The following IMMP2L variants were observed in gnomAD, a reference collection of about 807,000 sequenced individuals.
IMMP2L encodes inner mitochondrial membrane peptidase subunit 2, also known as mitochondrial inner membrane protease subunit 2.
In IMMP2L, 18 loss-of-function variants were observed where a neutral mutation model predicts 19.3. The observed-to-expected ratio is 0.93, with a 90% CI of 0.64 to 1.38. IMMP2L has a LOEUF of 1.38. IMMP2L is among the 40% of genes most tolerant of loss of function. IMMP2L has a pLI of 0.00. For synonymous variants in IMMP2L, 76 were observed against 73.0 expected (o/e 1.04, Z -0.21); for missense variants, 233 against 218.2 (o/e 1.07, Z -0.43).
chr7:111,346,724 A>G (rs140159508), intron 3 of IMMP2L, among the ~76,000 whole-genome samples: 1,620 of 151,936 alleles, frequency 0.011, 31 homozygotes, highest in African/African-American at 0.036. Context: ...AGATGGAACA[A>G]TATTTATGAA....
At chr7:111,490,819 T>C (rs915083805) in intron 2 of IMMP2L, among the ~76,000 whole-genome samples, 6 of 152,204 alleles carry the variant, frequency 3.9e-5, no homozygotes, top group African/African-American at 7.2e-5. Flanking sequence ...CCTGGTCTAA[T>C]AATAATAGCC....
rs984276164 is a variant in IMMP2L at position 110,894,387 on chromosome 7, T to C, written c.306-7692A>G. Among the ~76,000 whole-genome samples, 88 of 152,198 alleles carry C rather than the reference T, an allele frequency of 5.8e-4. 1 individual carries two copies. The highest frequency in any genetic ancestry group is 2.1e-3 in the African/African-American group (86 of 41,460). On this transcript the variant is annotated intron_variant, in intron 4 of 5. Coordinates refer to ENST00000405709, the MANE Select transcript of IMMP2L (RefSeq NM_032549.4). ...TTAAGAGTTTCTGTTGTTCCACATC[T>C]CACCAGCACTTGATATTATCATTCT...
At chr7:111,046,567 G>T (rs192900572) in intron 3 of IMMP2L, among the ~76,000 whole-genome samples, 1 of 152,142 alleles carries the variant, frequency 6.6e-6, no homozygotes, top group East Asian at 1.9e-4. Context: ...AAAAAGAAAA[G>T]CTTTTCTCAT....
intron 5 of IMMP2L, among the ~76,000 whole-genome samples, chr7:110,692,675 G>A (rs941611558): frequency 5.3e-5 from 8 of 152,042 alleles, no homozygotes; most frequent in African/African-American, 1.9e-4. Context: ...TTTATTTTTG[G>A]TATAGATTAT....
chr7:110,755,129 TC>T (rs1410734956), intron 5 of IMMP2L, among the ~76,000 whole-genome samples: 2 of 152,082 alleles, frequency 1.3e-5, no homozygotes, highest in Non-Finnish European at 2.9e-5. Context: ...TGGTCAATCC[TC>T]AGTTTAGACC....
intron 3 of IMMP2L, among the ~76,000 whole-genome samples, chr7:111,051,714 A>C (rs2129572991): frequency 6.6e-6 from 1 of 152,360 alleles, no homozygotes; most frequent in South Asian, 2.1e-4. Context: ...CATTTTAAAA[A>C]GTCAAAGCAT....
chr7:110,873,289 G>A (rs1484557159), intron 5 of IMMP2L, among the ~76,000 whole-genome samples: 3 of 151,678 alleles, frequency 2.0e-5, no homozygotes, highest in Non-Finnish European at 4.4e-5. Context: ...CTGGCATGGT[G>A]GCGCATGCCT....
At chr7:111,346,185 T>C (rs1397442434) in intron 3 of IMMP2L, among the ~76,000 whole-genome samples, 3 of 152,134 alleles carry the variant, frequency 2.0e-5, no homozygotes, top group Non-Finnish European at 4.4e-5. Flanking sequence ...AAGCCTAATA[T>C]GGAAGACATT....
intron 3 of IMMP2L, among the ~76,000 whole-genome samples, chr7:111,024,470 T>C (rs1826613933): frequency 6.6e-6 from 1 of 152,166 alleles, no homozygotes; most frequent in Non-Finnish European, 1.5e-5. Flanking sequence ...TCAACCCAGG[T>C]AGTCTTCTGT....
rs533306277 is a variant in IMMP2L, at chr7:111,252,280, T to C, written c.239+234958A>G. Among the ~76,000 whole-genome samples the C allele has an allele frequency of 2.8e-4, 42 of 152,238 alleles. 1 individual carries two copies. Among genetic ancestry groups the C allele is most frequent in the African/African-American group, 9.6e-4 (40 of 41,550 alleles). On this transcript the variant is annotated intron_variant, in intron 3 of 5. Coordinates refer to ENST00000405709, the MANE Select transcript of IMMP2L (RefSeq NM_032549.4). ...CCAACAAGCGGAAACAAACTCAAAG[T>C]GTATGTACGTAGCATGCACATGCAA...
chr7:111,145,004 G>A (rs1008668692), intron 3 of IMMP2L, among the ~76,000 whole-genome samples: 4 of 152,088 alleles, frequency 2.6e-5, no homozygotes, highest in African/African-American at 9.7e-5. Context: ...GGAGAGTTGA[G>A]CTAAATAGGT....
chr7:111,080,805 AG>A (rs534530745), intron 3 of IMMP2L, among the ~76,000 whole-genome samples: 179 of 152,336 alleles, frequency 1.2e-3, no homozygotes, highest in Non-Finnish European at 1.5e-3. Context: ...ACAAAGATGC[AG>A]ACATCCTGTT....
At chr7:110,731,440 T>TC (rs1247649088) in intron 5 of IMMP2L, among the ~76,000 whole-genome samples, 2 of 152,078 alleles carry the variant, frequency 1.3e-5, no homozygotes, top group African/African-American at 4.8e-5. Context: ...TTGTTATTAT[T>TC]CCCCCCATCA....
chr7:111,504,370 C>T (rs1253733613), intron 2 of IMMP2L, among the ~76,000 whole-genome samples: 1 of 151,978 alleles, frequency 6.6e-6, no homozygotes, highest in East Asian at 1.9e-4. Context: ...TAGGAAGAAT[C>T]AATATCGTGA....
intron 3 of IMMP2L, among the ~76,000 whole-genome samples, chr7:111,214,963 TCTC>T (rs1462364654): frequency 6.6e-6 from 1 of 152,030 alleles, no homozygotes; most frequent in Non-Finnish European, 1.5e-5. Context: ...CAAACTTAAG[TCTC>T]CTCCTTAGAA....
intron 3 of IMMP2L, among the ~76,000 whole-genome samples, chr7:110,984,906 T>C (rs1043698626): frequency 6.6e-6 from 1 of 152,194 alleles, no homozygotes; most frequent in African/African-American, 2.4e-5. Flanking sequence ...TCAATGGACC[T>C]TTGGGTCCCT....
At chr7:111,150,519 T>C (rs2129602443) in intron 3 of IMMP2L, among the ~76,000 whole-genome samples, 1 of 152,308 alleles carries the variant, frequency 6.6e-6, no homozygotes, top group Admixed American at 6.5e-5. Flanking sequence ...CTGACAGACA[T>C]TTGCTATAAT....
At chr7:110,747,683 C>T (rs1050724536) in intron 5 of IMMP2L, among the ~76,000 whole-genome samples, 63 of 152,148 alleles carry the variant, frequency 4.1e-4, no homozygotes, top group South Asian at 3.5e-3. Flanking sequence ...AAAAAGCCTT[C>T]GAAAAAATTC....
chr7:111,517,118 A>T (rs554007089), intron 2 of IMMP2L, among the ~76,000 whole-genome samples: 119 of 151,188 alleles, frequency 7.9e-4, no homozygotes, highest in Middle Eastern at 3.4e-3. Context: ...AAAATTTTTT[A>T]AAAAAAACAT....
Sources: allele counts gnomAD v4.1 joint callset (sites outside exome capture counted in the v4.1 genomes callset), GRCh38; gene constraint gnomAD v4.1.1; transcripts MANE v1.5; gene names NCBI Gene and HGNC (gene_info 2026-07-23, HGNC 2026-07-21).